The following SYN3 variants were observed in gnomAD, a reference collection of about 807,000 sequenced individuals.
SYN3 encodes synapsin-3.
Under a neutral mutation model 65.8 loss-of-function variants are expected in SYN3, and 35 were observed. The observed-to-expected ratio is 0.53, with a 90% CI of 0.41 to 0.70. The LOEUF (loss-of-function observed/expected upper bound fraction) is 0.70, where lower values mean the gene tolerates loss of function less well. SYN3 is among the 30% of genes least tolerant of loss of function. SYN3 has a pLI of 0.00. For missense variants in SYN3, 680 were observed against 749.0 expected (o/e 0.91, Z 1.08); for synonymous variants, 270 against 292.9 (o/e 0.92, Z 0.80).
intron 7 of SYN3, among the ~76,000 whole-genome samples, chr22:32,595,030 C>T (rs913626722): frequency 1.3e-5 from 2 of 152,242 alleles, no homozygotes; most frequent in South Asian, 2.1e-4. Flanking sequence ...GGTACTGAGA[C>T]CCACATGTTC....
chr22:32,526,882 G>A (rs976856044), intron 12 of SYN3, among the ~76,000 whole-genome samples: 5 of 152,128 alleles, frequency 3.3e-5, no homozygotes, highest in African/African-American at 4.8e-5. Flanking sequence ...TGGTTTCTTG[G>A]TGCACAGGTG....
At chr22:32,875,401 C>A (rs1403835496) in intron 4 of SYN3, among the ~76,000 whole-genome samples, 1 of 152,214 alleles carries the variant, frequency 6.6e-6, no homozygotes, top group Non-Finnish European at 1.5e-5. Flanking sequence ...CCGGTCTCTT[C>A]CTTCCTGAAT....
intron 6 of SYN3, among the ~76,000 whole-genome samples, chr22:32,685,899 A>G (rs2060582568): frequency 6.6e-6 from 1 of 152,204 alleles, no homozygotes; most frequent in Admixed American, 6.5e-5. Context: ...TAGTCTTTCC[A>G]AATTATGTTT....
At chr22:32,814,320 A>AAAAAGAAAGAAAGAAAGAAAGG (rs2047018310) in intron 6 of SYN3, among the ~76,000 whole-genome samples, 2 of 144,704 alleles carry the variant, frequency 1.4e-5, no homozygotes, top group African/African-American at 5.4e-5. Context: ...AGAGAGACAG[A>AAAAAGAAAGAAAGAAAGAAAGG]AAGAAAGAAA....
intron 7 of SYN3, among the ~76,000 whole-genome samples, chr22:32,554,805 T>A (rs2058469060): frequency 6.6e-6 from 1 of 152,130 alleles, no homozygotes; most frequent in South Asian, 2.1e-4. Flanking sequence ...TAAAATTGCC[T>A]TGCTGACAAA....
intron 6 of SYN3, among the ~76,000 whole-genome samples, chr22:32,830,976 C>A (rs539265100): frequency 4.4e-4 from 67 of 152,200 alleles, no homozygotes; most frequent in African/African-American, 1.6e-3. Flanking sequence ...CAACCAGGGG[C>A]ACAGGGGTGG....
intron 7 of SYN3, among the ~76,000 whole-genome samples, chr22:32,572,071 G>A (rs1358310019): frequency 6.6e-6 from 1 of 151,878 alleles, no homozygotes; most frequent in Admixed American, 6.6e-5. Flanking sequence ...ATCATGCTTG[G>A]GCAAGCAGAG....
At chr22:33,044,421 T>C (rs1441231612) in intron 1 of SYN3, among the ~76,000 whole-genome samples, 1 of 152,186 alleles carries the variant, frequency 6.6e-6, no homozygotes, top group Non-Finnish European at 1.5e-5. Context: ...GAGGAGCTGA[T>C]GAATTGCTTC....
At chr22:32,548,203 C>A (rs2058361544) in intron 7 of SYN3, among the ~76,000 whole-genome samples, 1 of 152,154 alleles carries the variant, frequency 6.6e-6, no homozygotes, top group African/African-American at 2.4e-5. Context: ...CTGGCATATT[C>A]CTGCCTCAGG....
intron 6 of SYN3, among the ~76,000 whole-genome samples, chr22:32,855,296 C>T (rs979165874): frequency 1.3e-5 from 2 of 152,194 alleles, no homozygotes; most frequent in Admixed American, 6.5e-5. Flanking sequence ...GCGGACTCAG[C>T]TTCTGTTACA....
chr22:32,956,774 C>A (rs1303037043), intron 3 of SYN3, among the ~76,000 whole-genome samples: 1 of 152,166 alleles, frequency 6.6e-6, no homozygotes, highest in Non-Finnish European at 1.5e-5. Context: ...TCCCTGCTTT[C>A]AATTCTTCTG....
intron 7 of SYN3, among the ~76,000 whole-genome samples, chr22:32,543,911 G>A (rs1030025458): frequency 6.6e-6 from 1 of 152,240 alleles, no homozygotes; most frequent in African/African-American, 2.4e-5. Flanking sequence ...TGGCTGAGTA[G>A]AAAGATGGAA....
chr22:32,625,975 G>A (rs2858224), intron 6 of SYN3, among the ~76,000 whole-genome samples: 27,706 of 152,130 alleles, frequency 0.18, 2,805 homozygotes, highest in Non-Finnish European at 0.21. Context: ...CAGAGCTCAC[G>A]TCTACTGGGT....
At chr22:32,811,363 G>A (rs1167861338) in intron 6 of SYN3, among the ~76,000 whole-genome samples, 1 of 152,216 alleles carries the variant, frequency 6.6e-6, no homozygotes, top group Non-Finnish European at 1.5e-5. Context: ...AGCTCAATAA[G>A]AATAAGCATG....
At chr22:32,604,032 A>T (rs1345061265) in intron 6 of SYN3, among the ~76,000 whole-genome samples, 1 of 152,202 alleles carries the variant, frequency 6.6e-6, no homozygotes, top group Non-Finnish European at 1.5e-5. Context: ...AGGATTAGAG[A>T]TGGGAGTGGA....
At chr22:32,881,015 G>A (rs1260428839) in intron 4 of SYN3, among the ~76,000 whole-genome samples, 1 of 152,202 alleles carries the variant, frequency 6.6e-6, no homozygotes, top group Non-Finnish European at 1.5e-5. Context: ...CACCCACGTG[G>A]TGGCCTGGGG....
At chr22:32,836,727 C>T (rs1028551526) in intron 6 of SYN3, among the ~76,000 whole-genome samples, 6 of 152,138 alleles carry the variant, frequency 3.9e-5, no homozygotes, top group Admixed American at 6.5e-5. Flanking sequence ...GCAGGTGGGC[C>T]TTCCAAACTA....
At position 32,875,784 on chromosome 22, in the gene SYN3, C is replaced by T. The variant is rs60395713; in HGVS notation, c.462-6659G>A. Among the ~76,000 whole-genome samples, 184 of 152,274 alleles carry T rather than the reference C, an allele frequency of 1.2e-3. 1 individual carries two copies. Among genetic ancestry groups the T allele is most frequent in the African/African-American group, 4.4e-3 (182 of 41,542 alleles). Reference sequence around the variant, plus strand: ...GAGAGTGGCAAGGAAGGATCCTCCCCTGGAGCCTTCAGAAGGAGCATGGCA... The same window carrying T: ...GAGAGTGGCAAGGAAGGATCCTCCCTTGGAGCCTTCAGAAGGAGCATGGCA... On this transcript the variant is annotated intron_variant, in intron 4 of 13. Coordinates refer to ENST00000358763, the MANE Select transcript of SYN3 (RefSeq NM_003490.4).
At chr22:32,742,969 T>C (rs775036430) in intron 6 of SYN3, among the ~76,000 whole-genome samples, 1 of 152,200 alleles carries the variant, frequency 6.6e-6, no homozygotes, top group Non-Finnish European at 1.5e-5. Flanking sequence ...CCTCCGTTTA[T>C]AGGGAAGAAA....
Sources: gnomAD v4.1 joint callset for allele counts (sites outside exome capture counted in the v4.1 genomes callset) on GRCh38, gnomAD v4.1.1 for gene constraint, MANE v1.5 for transcripts, NCBI Gene and HGNC (gene_info 2026-07-23, HGNC 2026-07-21) for gene names.